The following MYPN variants were observed in gnomAD, a reference collection of about 807,000 sequenced individuals.
MYPN encodes myopalladin.
In MYPN, 63 loss-of-function variants were observed where a neutral mutation model predicts 129.4. The observed-to-expected ratio is 0.49, with a 90% CI of 0.40 to 0.60. The LOEUF is 0.60. Among genes scored for constraint, MYPN ranks in the 20% least tolerant of loss-of-function variants. MYPN has a pLI of 0.00. For synonymous variants in MYPN, 629 were observed against 600.9 expected, an observed-to-expected ratio of 1.05 and a Z score of -0.68; for missense variants, 1,596 against 1,635.4, an observed-to-expected ratio of 0.98 and a Z score of 0.42.
In MYPN at chr10:68,203,700, CACACACACACAT is replaced by C. The variant is rs1392439865; in HGVS notation, c.3659+1716_3659+1727del. ...CCTAAAACGCGCACGCACACACACA[CACACACACACAT>C]ACACACACAGAGAGAGAGAGAGAGA... On this transcript the variant is annotated intron_variant, in intron 18 of 19. Transcript: ENST00000358913. 2.3e-4 allele frequency among the ~76,000 whole-genome samples: 9 copies of C among 38,932 alleles called. No homozygotes were observed. The South Asian group carries it at 0.02, about 84-fold the overall frequency. The allele number at this position is 38,932 out of a possible 152,430, so 25.5% of individuals were successfully genotyped here. A position where few individuals can be genotyped will look rare whatever the true frequency, so the allele number is the denominator to read the frequency against.
intron 2 of MYPN, among the ~76,000 whole-genome samples, chr10:68,123,683 CAATA>C (rs58776013): frequency 0.53 from 73,474 of 139,322 alleles, 20,265 homozygotes; most frequent in East Asian, 0.66. Flanking sequence ...GAGACTCCTT[CAATA>C]AATAAATAAA....
chr10:68,121,366 T>A, intron 1 of MYPN, 72 bp from the exon 2 acceptor site: 2 of 1,322,038 alleles, frequency 1.5e-6, no homozygotes, highest in Admixed American at 4.4e-5. Flanking sequence ...GAGTCTGCAG[T>A]GCTATAATAG....
At chr10:68,207,236 C>T (rs543955817) in intron 19 of MYPN, among the ~76,000 whole-genome samples, 45 of 152,200 alleles carry the variant, frequency 3.0e-4, no homozygotes, top group Admixed American at 4.6e-4. Context: ...CCAGCCTGGG[C>T]AACAGAACAA....
intron 1 of MYPN, among the ~76,000 whole-genome samples, chr10:68,094,938 G>C (rs1432240867): frequency 1.3e-5 from 2 of 152,116 alleles, no homozygotes; most frequent in African/African-American, 4.8e-5. Context: ...GGCGGGTGCT[G>C]TAATCCCAGC....
rs1372755004 is a variant in MYPN, at chr10:68,189,092, T to G, written c.2891T>G (p.Phe964Cys). The G allele has an allele frequency of 6.2e-7, 1 of 1,613,992 alleles. No homozygotes were observed. Among genetic ancestry groups the G allele is most frequent in the African/African-American group, 1.3e-5 (1 of 74,920 alleles). Residue 964 changes from phenylalanine to cysteine, a missense_variant, in exon 13 of 20, where the codon TTC becomes TGC. Physicochemically the swap from Phe to Cys is radical, Grantham distance 205 (BLOSUM62 -2). Coordinates refer to ENST00000358913, the MANE Select transcript of MYPN (RefSeq NM_032578.4). ...FRVTEGSPVT[F>C]TCKIVGIPVP... ...GTCACAGAAGGCTCTCCAGTTACAT[T>G]CACCTGCAAAATTGTTGGGATACCT...
At chr10:68,176,719 T>C (rs1456692598) in intron 12 of MYPN, among the ~76,000 whole-genome samples, 1 of 152,180 alleles carries the variant, frequency 6.6e-6, no homozygotes, top group Non-Finnish European at 1.5e-5. Flanking sequence ...TTTCATCTAT[T>C]TCTGGGAGGC....
At chr10:68,104,940 C>G (rs1016517335), upstream of MYPN, among the ~76,000 whole-genome samples, 1 of 151,996 alleles carries the variant, frequency 6.6e-6, no homozygotes, top group South Asian at 2.1e-4. Context: ...CGCACCACCA[C>G]GCCCAGCTAA....
At chr10:68,185,913 G>C (rs1449847675) in intron 12 of MYPN, among the ~76,000 whole-genome samples, 1 of 152,122 alleles carries the variant, frequency 6.6e-6, no homozygotes, top group Non-Finnish European at 1.5e-5. Context: ...TATATTTCTG[G>C]AAAATGTAGT....
chr10:68,099,375 G>C, intron 1 of MYPN, among the ~76,000 whole-genome samples: 1 of 151,990 alleles, frequency 6.6e-6, no homozygotes, highest in East Asian at 1.9e-4. Context: ...GTTTTTATTG[G>C]CATGTAATAA....
chr10:68,093,837 T>C (rs994782988), intron 1 of MYPN, among the ~76,000 whole-genome samples: 1 of 151,932 alleles, frequency 6.6e-6, no homozygotes, highest in Non-Finnish European at 1.5e-5. Context: ...TGAGTATACA[T>C]ATTGTTGCTT....
At chr10:68,144,248 T>C (rs1405957032) in intron 3 of MYPN, among the ~76,000 whole-genome samples, 1 of 152,220 alleles carries the variant, frequency 6.6e-6, no homozygotes, top group Non-Finnish European at 1.5e-5. Flanking sequence ...TATTTTATCT[T>C]ATCCTCTGAA....
rs1021994218 is a variant in MYPN at position 68,174,521 on chromosome 10, G to A, written c.2429G>A (p.Arg810His). Residue 810 changes from arginine to histidine, a missense_variant, in exon 11 of 20, where the codon CGC becomes CAC. Transcript: ENST00000358913. ...CCCAGCGGAAACCAGTTTCAGCCCC[G>A]CTGTGTGTCCCCAATTCCTGTCTCT... Reference protein sequence around the residue: ...SIPSGNQFQPRCVSPIPVSPT... With the variant: ...SIPSGNQFQPHCVSPIPVSPT... 9.3e-6 allele frequency: 15 copies of A among 1,613,970 alleles called. No homozygotes were observed. Among genetic ancestry groups the A allele is most frequent in the East Asian group, 6.7e-5 (3 of 44,862 alleles).
Position 68,201,859 on chromosome 10 carries a change from T to C in MYPN, c.3524T>C (p.Leu1175Pro), listed in dbSNP as rs1473139800. Residue 1175 changes from leucine (L) to proline (P), a missense_variant, in exon 18 of 20, where the codon CTG becomes CCG. Physicochemically the swap from Leu to Pro is moderately conservative, Grantham distance 98 (BLOSUM62 -3). Transcript: ENST00000358913. ...AKEVKKAPVI[L>P]EKLQNCGVPE... The stretch of plus-strand genomic sequence containing the variant: ...GAGGTGAAGAAAGCACCTGTGATCC[T>C]GGAGAAACTACAGAACTGCGGTGTT... The C allele has an allele frequency of 2.5e-6, 4 of 1,613,978 alleles. No individual in the cohort carries two copies. Among genetic ancestry groups the C allele is most frequent in the East Asian group, 2.2e-5 (1 of 44,880 alleles).
intron 6 of MYPN, among the ~76,000 whole-genome samples, chr10:68,150,615 A>G (rs1413355482): frequency 1.3e-5 from 2 of 152,158 alleles, no homozygotes; most frequent in Non-Finnish European, 2.9e-5. Flanking sequence ...TGTACTTAGC[A>G]CTAGAAAATT....
intron 2 of MYPN, among the ~76,000 whole-genome samples, chr10:68,135,244 TG>T (rs2042468930): frequency 6.6e-6 from 1 of 152,176 alleles, no homozygotes; most frequent in Non-Finnish European, 1.5e-5. Context: ...TGAGCCACCG[TG>T]CCCAACCAGA....
At chr10:68,163,056 A>G (rs1589574793) in intron 8 of MYPN, among the ~76,000 whole-genome samples, 1 of 152,174 alleles carries the variant, frequency 6.6e-6, no homozygotes, top group Admixed American at 6.5e-5. Context: ...TGTGATCCCA[A>G]CACTTTGGTG....
In MYPN at chr10:68,189,095, C is replaced by T; in HGVS notation, c.2894C>T (p.Thr965Ile). Residue 965 changes from threonine (T) to isoleucine (I), a missense_variant, in exon 13 of 20, where the codon ACC (threonine) becomes ATC (isoleucine). Transcript: ENST00000358913. ...RVTEGSPVTF[T>I]CKIVGIPVPK... ...ACAGAAGGCTCTCCAGTTACATTCA[C>T]CTGCAAAATTGTTGGGATACCTGTT... 1.2e-6 allele frequency: 2 copies of T among 1,614,124 alleles called. No individual in the cohort carries two copies. Among genetic ancestry groups the T allele is most frequent in the Non-Finnish European group, 1.7e-6 (2 of 1,180,000 alleles).
intron 12 of MYPN, among the ~76,000 whole-genome samples, chr10:68,187,011 G>A (rs2043432027): frequency 6.6e-6 from 1 of 152,030 alleles, no homozygotes; most frequent in African/African-American, 2.4e-5. Context: ...TCAAAGTGTG[G>A]TCCGAGGACC....
chr10:68,139,598 G>T (rs1432433306), intron 2 of MYPN, among the ~76,000 whole-genome samples: 1 of 152,202 alleles, frequency 6.6e-6, no homozygotes, highest in African/African-American at 2.4e-5. Flanking sequence ...CACGCTCTGA[G>T]GATTTGTTTG....
Sources: gnomAD v4.1 joint callset for allele counts (sites outside exome capture counted in the v4.1 genomes callset) on GRCh38, gnomAD v4.1.1 for gene constraint, MANE v1.5 for transcripts, NCBI Gene and HGNC (gene_info 2026-07-23, HGNC 2026-07-21) for gene names.